The following ABI1 variants were observed in gnomAD, a reference collection of about 807,000 sequenced individuals.
ABI1 encodes abl interactor 1, also known as Abelson interactor 1.
ABI1 carries 14 observed loss-of-function variants against 54.6 expected under a neutral mutation model. That is an observed-to-expected ratio of 0.26 (90% CI 0.17 to 0.40). ABI1 has a LOEUF of 0.40. Ranked by LOEUF, ABI1 falls within the 10% of genes least tolerant of loss-of-function variation. ABI1 has a pLI of 1.00. For synonymous variants in ABI1, 194 were observed against 209.3 expected (o/e 0.93, Z 0.63); for missense variants, 443 against 598.3 (o/e 0.74, Z 2.71).
At position 26,771,116 on chromosome 10, in the gene ABI1, A is replaced by T. The variant is rs201977431; in HGVS notation, c.463-27T>A. ...TTTACGTTGGCAAAAAAAGGGGGGGAAAAAGTAGACATTAATGCTAGGTAA... is the reference window on the plus strand; with the variant it reads ...TTTACGTTGGCAAAAAAAGGGGGGGTAAAAGTAGACATTAATGCTAGGTAA... On this transcript the variant is annotated intron_variant, in intron 3 of 10. Transcript: ENST00000376140. The T allele has an allele frequency of 5.0e-6, 8 of 1,610,234 alleles. 1 individual carries two copies. The South Asian group carries it at 8.8e-5, about 18-fold the overall frequency.
rs556608915 is a variant in ABI1, at chr10:26,757,072, A to G, written c.998-1331T>C. On this transcript the variant is annotated intron_variant, in intron 8 of 10. Coordinates refer to ENST00000376140, the MANE Select transcript of ABI1 (RefSeq NM_001012750.3). ...CTCACAAACCTAAAAAAGTGTTTAG[A>G]AACAACTCTTAGTAACTAGCCATGC... 3.9e-5 allele frequency among the ~76,000 whole-genome samples: 6 copies of G among 152,256 alleles called. No individual in the cohort carries two copies. In the South Asian group the frequency reaches 1.2e-3, roughly 32 times the overall value.
intron 1 of ABI1, among the ~76,000 whole-genome samples, chr10:26,843,474 AAAAAAAAAAAAATATATATAT>A (rs1187340426): frequency 2.4e-4 from 16 of 65,990 alleles, no homozygotes; most frequent in East Asian, 2.0e-3. Flanking sequence ...AAAAAAAAAA[AAAAAAAAAAAAATATATATAT>A]ATATATATAT....
chr10:26,795,539 TAATG>T (rs1429557715), intron 2 of ABI1, among the ~76,000 whole-genome samples: 2 of 152,044 alleles, frequency 1.3e-5, no homozygotes, highest in Non-Finnish European at 2.9e-5. Flanking sequence ...CTGCTAGAAC[TAATG>T]AATTCAGTAA....
intron 1 of ABI1, among the ~76,000 whole-genome samples, chr10:26,842,596 G>T (rs2049606392): frequency 1.3e-5 from 2 of 152,130 alleles, no homozygotes; most frequent in South Asian, 2.1e-4. Context: ...AATTTCATTG[G>T]TCTGGGGAGA....
intron 1 of ABI1, among the ~76,000 whole-genome samples, chr10:26,849,133 A>G (rs1054622146): frequency 6.6e-6 from 1 of 152,140 alleles, no homozygotes; most frequent in Admixed American, 6.5e-5. Context: ...GGGGTCCACG[A>G]GGTCTAAATT....
chr10:26,814,877 A>G (rs1252308555), intron 2 of ABI1, among the ~76,000 whole-genome samples: 1 of 152,196 alleles, frequency 6.6e-6, no homozygotes, highest in Admixed American at 6.5e-5. Flanking sequence ...AAGTCCTGAT[A>G]GAATTGGAGA....
chr10:26,767,474 G>T (rs1001619557), intron 6 of ABI1, among the ~76,000 whole-genome samples: 1 of 152,102 alleles, frequency 6.6e-6, no homozygotes, highest in Admixed American at 6.5e-5. Context: ...AACAAATTTG[G>T]TTATATAATA....
rs547134357 is a variant in ABI1 at position 26,814,839 on chromosome 10, C to T, written c.285+8299G>A. ...CACACTGAAAGGAAAGGGACTCTTT[C>T]CTGAAATAATTAAGGTTTAGTTTAT... On this transcript the variant is annotated intron_variant, in intron 2 of 10. Transcript: ENST00000376140. Among the ~76,000 whole-genome samples, 5 of 152,180 alleles carry T rather than the reference C, an allele frequency of 3.3e-5. No homozygotes were observed. In the East Asian group the frequency reaches 9.6e-4, roughly 29 times the overall value.
At chr10:26,823,431 A>C (rs2048113416) in intron 1 of ABI1, 126 bp from the exon 2 acceptor site, 1 of 778,564 alleles carries the variant, frequency 1.3e-6, no homozygotes, top group Non-Finnish European at 1.8e-6. Flanking sequence ...CACTGTACCA[A>C]TATGATAGTC....
At chr10:26,782,996 T>A (rs943394876) in intron 2 of ABI1, among the ~76,000 whole-genome samples, 1 of 152,118 alleles carries the variant, frequency 6.6e-6, no homozygotes, top group African/African-American at 2.4e-5. Flanking sequence ...CTCAAAAGAA[T>A]TCAAAGCAGG....
At chr10:26,802,257 T>A (rs1347306043) in intron 2 of ABI1, among the ~76,000 whole-genome samples, 1 of 152,224 alleles carries the variant, frequency 6.6e-6, no homozygotes, top group Non-Finnish European at 1.5e-5. Flanking sequence ...CCATTAAAAG[T>A]AATTTAGGAT....
intron 7 of ABI1, chr10:26,763,977 T>C (rs1325502120): frequency 1.9e-6 from 3 of 1,593,412 alleles, no homozygotes; most frequent in East Asian, 2.2e-5. Context: ...AAATAGTTTA[T>C]AATTCAGGTC....
intron 2 of ABI1, among the ~76,000 whole-genome samples, chr10:26,802,863 T>C (rs2046648762): frequency 6.6e-6 from 1 of 152,206 alleles, no homozygotes; most frequent in African/African-American, 2.4e-5. Flanking sequence ...ACCTGTTTTC[T>C]ACACTAGCTG....
Position 26,855,970 on chromosome 10 carries a change from CAA to C in ABI1, c.117+4775_117+4776del, listed in dbSNP as rs11369827. 7.8e-3 allele frequency among the ~76,000 whole-genome samples: 631 copies of C among 80,570 alleles called. 1 individual carries two copies. Among genetic ancestry groups the C allele is most frequent in the Middle Eastern group, 0.028 (3 of 106 alleles). The allele number at this position is 80,570 out of a possible 152,430, so 52.9% of individuals were successfully genotyped here. On this transcript the variant is annotated intron_variant, in intron 1 of 10. Coordinates refer to ENST00000376140, the MANE Select transcript of ABI1 (RefSeq NM_001012750.3). ...TGGGTGACAGAGCAAGACTCCATCT[CAA>C]AAAAAAAAAAAAAAAAAAAGAACCC...
intron 1 of ABI1, chr10:26,839,666 A>AAAAT (rs35759617): frequency 0.02 from 12,314 of 629,906 alleles, 274 homozygotes; most frequent in South Asian, 0.11. Context: ...AAAAAAAAAA[A>AAAAT]CATGCCAGGC....
At chr10:26,828,030 C>T (rs1423202147) in intron 1 of ABI1, among the ~76,000 whole-genome samples, 5 of 152,232 alleles carry the variant, frequency 3.3e-5, no homozygotes, top group African/African-American at 1.2e-4. Context: ...CAGCTTTTGA[C>T]TTGCCTTCCT....
intron 1 of ABI1, among the ~76,000 whole-genome samples, chr10:26,842,715 C>T (rs187062232): frequency 2.4e-3 from 369 of 152,232 alleles, no homozygotes; most frequent in African/African-American, 8.6e-3. Flanking sequence ...AAAGGCAAGA[C>T]ATTAATATAC....
At chr10:26,833,769 T>TACACACACACACACACACAC (rs61653104) in intron 1 of ABI1, among the ~76,000 whole-genome samples, 28 of 150,184 alleles carry the variant, frequency 1.9e-4, no homozygotes, top group Non-Finnish European at 3.3e-4. Flanking sequence ...ACAATATTTA[T>TACACACACACACACACACAC]ACACACACAC....
rs1383821335 is a variant in ABI1 at position 26,785,656 on chromosome 10, T to A, written c.286-8415A>T. Reference sequence around the variant, plus strand: ...ATGAGAATCGCTTGAACCCAGGAGATGGAGGTTGCAGTGAACCAAGATCAA... The same window carrying A: ...ATGAGAATCGCTTGAACCCAGGAGAAGGAGGTTGCAGTGAACCAAGATCAA... On this transcript the variant is annotated intron_variant, in intron 2 of 10. Transcript: ENST00000376140. Among the ~76,000 whole-genome samples, 3 of 150,742 alleles carry A rather than the reference T, an allele frequency of 2.0e-5. No homozygotes were observed. In the Admixed American group the frequency reaches 2.0e-4, roughly 10 times the overall value.
Sources: allele counts gnomAD v4.1 joint callset (sites outside exome capture counted in the v4.1 genomes callset), GRCh38; gene constraint gnomAD v4.1.1; transcripts MANE v1.5; gene names NCBI Gene and HGNC (gene_info 2026-07-23, HGNC 2026-07-21).